The following CDH10 variants were observed in gnomAD, a reference collection of about 807,000 sequenced individuals.
The protein encoded by CDH10 is cadherin 10.
Under a neutral mutation model 73.1 loss-of-function variants are expected in CDH10, and 30 were observed. The observed-to-expected ratio is 0.41, with a 90% CI of 0.31 to 0.56. CDH10 has a LOEUF of 0.56. Ranked by LOEUF, CDH10 falls within the 20% of genes least tolerant of loss-of-function variation. The pLI is 0.27. For missense variants in CDH10, 815 were observed against 973.7 expected (o/e 0.84, Z 2.17); for synonymous variants, 345 against 348.2 (o/e 0.99, Z 0.10).
chr5:24,516,206 C>T (rs1561135389), intron 5 of CDH10, among the ~76,000 whole-genome samples: 1 of 152,156 alleles, frequency 6.6e-6, no homozygotes, highest in Non-Finnish European at 1.5e-5. Context: ...ATCACTGAAT[C>T]AGTCTGTTCG....
intron 2 of CDH10, among the ~76,000 whole-genome samples, chr5:24,575,355 CAAAAAA>C: frequency 8.1e-6 from 1 of 123,826 alleles, no homozygotes; most frequent in Admixed American, 8.5e-5. Flanking sequence ...ACAAAAACAA[CAAAAAA>C]AAAAAAAAAA....
At chr5:24,516,036 C>A (rs1413235040) in intron 5 of CDH10, among the ~76,000 whole-genome samples, 1 of 152,160 alleles carries the variant, frequency 6.6e-6, no homozygotes, top group Non-Finnish European at 1.5e-5. Context: ...ATTACCCAGT[C>A]TTGGGTATGT....
intron 2 of CDH10, among the ~76,000 whole-genome samples, chr5:24,565,718 C>T (rs556002307): frequency 1.3e-5 from 2 of 151,970 alleles, no homozygotes; most frequent in African/African-American, 4.8e-5. Flanking sequence ...ATCTTTATAA[C>T]AAGACAGGGA....
chr5:24,513,161 G>A (rs1742984811), intron 5 of CDH10, among the ~76,000 whole-genome samples: 1 of 151,858 alleles, frequency 6.6e-6, no homozygotes, highest in Admixed American at 6.6e-5. Context: ...TGGGACTATA[G>A]GCACCTGCCA....
intron 2 of CDH10, among the ~76,000 whole-genome samples, chr5:24,589,510 T>G (rs2112082408): frequency 6.6e-6 from 1 of 152,200 alleles, no homozygotes. Flanking sequence ...TTTGGTGTTT[T>G]GGGATTTTTC....
intron 1 of CDH10, among the ~76,000 whole-genome samples, chr5:24,614,021 G>C (rs914022063): frequency 6.6e-6 from 1 of 152,112 alleles, no homozygotes; most frequent in African/African-American, 2.4e-5. Context: ...AGTTAAAAAT[G>C]TGCATTCCGG....
At chr5:24,522,380 G>A (rs1743368594) in intron 5 of CDH10, among the ~76,000 whole-genome samples, 1 of 151,946 alleles carries the variant, frequency 6.6e-6, no homozygotes, top group East Asian at 1.9e-4. Flanking sequence ...TAGTCCCTTT[G>A]GATCTTTTTA....
At chr5:24,590,102 T>C (rs929715684) in intron 2 of CDH10, among the ~76,000 whole-genome samples, 2 of 151,986 alleles carry the variant, frequency 1.3e-5, no homozygotes, top group African/African-American at 4.8e-5. Flanking sequence ...TATATTTTTG[T>C]TTAGAATGCA....
chr5:24,529,922 T>C (rs572211828), intron 5 of CDH10, among the ~76,000 whole-genome samples: 2 of 151,864 alleles, frequency 1.3e-5, no homozygotes, highest in African/African-American at 4.8e-5. Flanking sequence ...CATTGTTAAG[T>C]GGAATTTGAA....
At chr5:24,580,503 A>T (rs1444291641) in intron 2 of CDH10, among the ~76,000 whole-genome samples, 1 of 152,140 alleles carries the variant, frequency 6.6e-6, no homozygotes, top group Non-Finnish European at 1.5e-5. Flanking sequence ...GAAAAAAATG[A>T]GTTACTGGTT....
chr5:24,597,432 T>C (rs1746407412), intron 1 of CDH10, among the ~76,000 whole-genome samples: 2 of 152,098 alleles, frequency 1.3e-5, no homozygotes, highest in African/African-American at 2.4e-5. Context: ...AGCCCCCAGA[T>C]ACGTAGCCTA....
intron 5 of CDH10, among the ~76,000 whole-genome samples, chr5:24,526,703 C>G (rs1037361381): frequency 2.0e-5 from 3 of 151,896 alleles, no homozygotes; most frequent in African/African-American, 7.2e-5. Flanking sequence ...CAGACTGCAG[C>G]AACTCTTGCT....
chr5:24,587,399 C>T (rs1746060010), intron 2 of CDH10, among the ~76,000 whole-genome samples: 1 of 151,996 alleles, frequency 6.6e-6, no homozygotes, highest in East Asian at 1.9e-4. Context: ...AATTTAATTG[C>T]ACATATAATT....
chr5:24,527,948 T>G (rs1448876230), intron 5 of CDH10, among the ~76,000 whole-genome samples: 3 of 151,952 alleles, frequency 2.0e-5, no homozygotes, highest in African/African-American at 7.2e-5. Flanking sequence ...GAATGTATCC[T>G]GTAGGTAATT....
At chr5:24,563,025 T>C (rs2111994009) in intron 2 of CDH10, among the ~76,000 whole-genome samples, 1 of 152,296 alleles carries the variant, frequency 6.6e-6, no homozygotes, top group East Asian at 1.9e-4. Context: ...ATTAATTTGT[T>C]ATCATAATCC....
intron 1 of CDH10, among the ~76,000 whole-genome samples, chr5:24,602,943 G>C (rs1432871337): frequency 6.6e-6 from 1 of 152,064 alleles, no homozygotes; most frequent in Admixed American, 6.6e-5. Context: ...TCGCTATCCT[G>C]ATTTCTTTTC....
chr5:24,625,090 G>T (rs1280289579), intron 1 of CDH10, among the ~76,000 whole-genome samples: 1 of 152,082 alleles, frequency 6.6e-6, no homozygotes, highest in Non-Finnish European at 1.5e-5. Context: ...AAAATAATGG[G>T]AAGTGCCATA....
chr5:24,491,609 T>C lies in CDH10; in HGVS notation c.1843A>G (p.Ile615Val), dbSNP rs2111636539. ...ATGATGATGCAGAGGAGGATGGCGA[T>C]CAAGGCCCCAGTGCTGAGGCCGGCA... ...LPAGLSTGAL[I>V]AILLCIIILL... Residue 615 changes from isoleucine (I) to valine (V), a missense_variant, in exon 11 of 12, where the codon ATC (isoleucine) becomes GTC (valine). Transcript: ENST00000264463. The C allele has an allele frequency of 6.2e-7, 1 of 1,613,772 alleles. No individual in the cohort carries two copies. The highest frequency in any genetic ancestry group is 1.1e-5 in the South Asian group (1 of 91,032).
intron 2 of CDH10, among the ~76,000 whole-genome samples, chr5:24,569,724 T>C (rs867504432): frequency 2.0e-5 from 3 of 152,152 alleles, no homozygotes; most frequent in Middle Eastern, 3.4e-3. Flanking sequence ...ATTGGGGAGA[T>C]TCACTGTCAT....
Sources: allele counts gnomAD v4.1 joint callset (sites outside exome capture counted in the v4.1 genomes callset), GRCh38; gene constraint gnomAD v4.1.1; transcripts MANE v1.5; gene names NCBI Gene and HGNC (gene_info 2026-07-23, HGNC 2026-07-21).